PPP1R12B: variants seen among roughly 807,000 people sequenced by gnomAD.
PPP1R12B encodes protein phosphatase 1 regulatory subunit 12B.
PPP1R12B carries 76 observed loss-of-function variants against 126.1 expected under a neutral mutation model. That is an observed-to-expected ratio of 0.60 (90% CI 0.50 to 0.73). The LOEUF is 0.73. PPP1R12B is among the 30% of genes least tolerant of loss of function. The probability of loss-of-function intolerance (pLI) is 0.00; values close to 1 mark genes in which losing one functional copy is unlikely to be tolerated. For synonymous variants in PPP1R12B, 356 were observed against 434.7 expected (o/e 0.82, Z 2.25); for missense variants, 1,052 against 1,205.1 (o/e 0.87, Z 1.88).
intron 23 of PPP1R12B, among the ~76,000 whole-genome samples, chr1:202,574,167 C>CAAAA (rs11320060): frequency 8.2e-6 from 1 of 122,334 alleles, no homozygotes; most frequent in African/African-American, 3.0e-5. Flanking sequence ...ACATGCCCCA[C>CAAAA]AAAAAAAAAA....
chr1:202,423,370 A>G (rs1368266477), intron 3 of PPP1R12B, among the ~76,000 whole-genome samples: 1 of 152,096 alleles, frequency 6.6e-6, no homozygotes, highest in Non-Finnish European at 1.5e-5. Context: ...CTTCTGCTAA[A>G]CTACCTTACT....
rs540599307 is a variant in PPP1R12B, at chr1:202,353,629, T to TGTGTGTGTGTGA, written c.291+4488_291+4489insTGTGTGTGTGAG. ...GTGTGTGTGTGTGTGTGTGTGTGTG[T>TGTGTGTGTGTGA]GACAGGGTCTTGCCCTGTTACCCAG... On this transcript the variant is annotated intron_variant, in intron 1 of 23. Transcript: ENST00000608999. Among the ~76,000 whole-genome samples, 466 of 138,202 alleles carry TGTGTGTGTGTGA rather than the reference T, an allele frequency of 3.4e-3. 5 individuals carry two copies. Among genetic ancestry groups the TGTGTGTGTGTGA allele is most frequent in the East Asian group, 0.01 (46 of 4,530 alleles). 90.7% of individuals were successfully genotyped at this position (138,202 alleles called of 152,430 possible). A position where few individuals can be genotyped will look rare whatever the true frequency, so the allele number is the denominator to read the frequency against.
intron 10 of PPP1R12B, chr1:202,439,096 CA>C: frequency 6.6e-7 from 1 of 1,508,442 alleles, no homozygotes; most frequent in Non-Finnish European, 9.2e-7. Flanking sequence ...CCTCCAGCGC[CA>C]AAGTGGACAT....
intron 12 of PPP1R12B, among the ~76,000 whole-genome samples, chr1:202,446,587 T>G (rs1672326922): frequency 6.7e-6 from 1 of 148,180 alleles, no homozygotes; most frequent in Admixed American, 6.8e-5. Flanking sequence ...TATATAATAT[T>G]ATATATTATA....
At chr1:202,374,407 T>C (rs1416591998) in intron 1 of PPP1R12B, among the ~76,000 whole-genome samples, 1 of 151,714 alleles carries the variant, frequency 6.6e-6, no homozygotes, top group Non-Finnish European at 1.5e-5. Flanking sequence ...CTCATGCTGG[T>C]CCTCTCATGA....
At chr1:202,536,617 A>G (rs997592726) in intron 18 of PPP1R12B, among the ~76,000 whole-genome samples, 9 of 152,222 alleles carry the variant, frequency 5.9e-5, no homozygotes, top group Admixed American at 2.0e-4. Context: ...TCTTTCTTCA[A>G]TAATAAATAA....
intron 13 of PPP1R12B, among the ~76,000 whole-genome samples, chr1:202,452,079 C>T (rs539233414): frequency 2.0e-5 from 3 of 151,768 alleles, no homozygotes; most frequent in Non-Finnish European, 4.4e-5. Flanking sequence ...GGCGGCGGGG[C>T]AGAGGCGCTC....
chr1:202,535,505 G>A (rs1256092670), intron 18 of PPP1R12B, among the ~76,000 whole-genome samples: 1 of 152,102 alleles, frequency 6.6e-6, no homozygotes, highest in Non-Finnish European at 1.5e-5. Context: ...CATTAGATAT[G>A]TCCCATCTAA....
intron 18 of PPP1R12B, among the ~76,000 whole-genome samples, chr1:202,535,042 T>C (rs1329056047): frequency 6.7e-6 from 1 of 150,218 alleles, no homozygotes; most frequent in Non-Finnish European, 1.5e-5. Flanking sequence ...TGGATGATTA[T>C]GTGTGTGTGT....
intron 13 of PPP1R12B, among the ~76,000 whole-genome samples, chr1:202,460,337 C>T (rs1344594666): frequency 2.6e-5 from 4 of 152,206 alleles, no homozygotes; most frequent in African/African-American, 9.7e-5. Context: ...TATGGACCTT[C>T]TTCAGTCCCT....
At chr1:202,378,022 T>C (rs1215069173) in intron 1 of PPP1R12B, among the ~76,000 whole-genome samples, 1 of 151,342 alleles carries the variant, frequency 6.6e-6, no homozygotes, top group Non-Finnish European at 1.5e-5. Flanking sequence ...GTATTTTTAG[T>C]AGAGACGGGG....
At chr1:202,535,464 C>T (rs1684441500) in intron 18 of PPP1R12B, among the ~76,000 whole-genome samples, 1 of 152,106 alleles carries the variant, frequency 6.6e-6, no homozygotes, top group Admixed American at 6.6e-5. Context: ...TTAGTATTCA[C>T]ATCATGAGAC....
At chr1:202,430,342 G>C (rs1272966614) in intron 6 of PPP1R12B, among the ~76,000 whole-genome samples, 1 of 151,978 alleles carries the variant, frequency 6.6e-6, no homozygotes, top group Non-Finnish European at 1.5e-5. Flanking sequence ...TTTCCCTAAG[G>C]GCTTATTTCC....
At chr1:202,497,298 G>T (rs1679678730) in intron 18 of PPP1R12B, among the ~76,000 whole-genome samples, 1 of 152,108 alleles carries the variant, frequency 6.6e-6, no homozygotes, top group Admixed American at 6.6e-5. Context: ...CCCTTTTAAG[G>T]CCTGACATCC....
rs1558109356 is a variant in PPP1R12B at position 202,348,733 on chromosome 1, C to T, written c.-119C>T. On this transcript the variant is annotated 5_prime_UTR_variant, in exon 1 of 24. An upstream open reading frame in the 5' UTR gains an earlier in-frame stop. Coordinates refer to ENST00000608999, the MANE Select transcript of PPP1R12B (RefSeq NM_002481.4). ...GGCGGGAGGAGTAAAGATGGCGGCG[C>T]GAGGGTCTCCGCCCTCTGCTCCGGG... 3 of 1,303,240 alleles carry T rather than the reference C, an allele frequency of 2.3e-6. No individual in the cohort carries two copies. Among genetic ancestry groups the T allele is most frequent in the South Asian group, 1.6e-5 (1 of 64,274 alleles). The allele number at this position is 1,303,240 out of a possible 1,614,324, so 80.7% of individuals were successfully genotyped here.
At chr1:202,417,550 G>A in intron 2 of PPP1R12B, 1 of 257,512 alleles carries the variant, frequency 3.9e-6, no homozygotes, top group Non-Finnish European at 6.1e-6. Flanking sequence ...AAGAGGCACT[G>A]AATAAATATC....
At chr1:202,555,464 A>T (rs1327218764) in intron 18 of PPP1R12B, among the ~76,000 whole-genome samples, 6 of 124,698 alleles carry the variant, frequency 4.8e-5, no homozygotes, top group African/African-American at 1.9e-4. Context: ...AGAAGAAACT[A>T]AAAAAAAAAA....
At position 202,558,893 on chromosome 1, in the gene PPP1R12B, G is replaced by A. The variant is rs3881953; in HGVS notation, c.2507G>A (p.Arg836Lys). ...TTTCTCTAGCATGAAAGACTTTCTA[G>A]GTAAGAACTCTCCCTGTTATATATG... The part of the protein sequence containing the change: ...VKETWHERLS[R>K]LESGGSNPTT... The change falls in exon 19 of 24, where the codon AGG (arginine) becomes AAG (lysine). Residue 836 changes from arginine to lysine, a missense_variant and splice_region_variant. Coordinates refer to ENST00000608999, the MANE Select transcript of PPP1R12B (RefSeq NM_002481.4). The A allele has an allele frequency of 6.3e-7, 1 of 1,579,860 alleles. No homozygotes were observed. Among genetic ancestry groups the A allele is most frequent in the Non-Finnish European group, 8.6e-7 (1 of 1,157,730 alleles).
In PPP1R12B at chr1:202,553,353, C is replaced by T. The variant is rs551394833; in HGVS notation, c.2491-5524C>T. 7.7e-4 allele frequency among the ~76,000 whole-genome samples: 118 copies of T among 152,258 alleles called. 2 individuals are homozygous for T. Among genetic ancestry groups the T allele is most frequent in the Non-Finnish European group, 1.0e-3 (69 of 68,020 alleles). ...ACAGTTTCTATCTAGTTCAGACACA[C>T]TAGAGAGTCTCATTTTAGTGGCCAT... On this transcript the variant is annotated intron_variant, in intron 18 of 23. Coordinates refer to ENST00000608999, the MANE Select transcript of PPP1R12B (RefSeq NM_002481.4).
Sources: allele counts gnomAD v4.1 joint callset (sites outside exome capture counted in the v4.1 genomes callset), GRCh38; gene constraint gnomAD v4.1.1; transcripts MANE v1.5; gene names NCBI Gene and HGNC (gene_info 2026-07-23, HGNC 2026-07-21).